Variants in NAALADL2 observed in about 807,000 individuals in gnomAD.
NAALADL2 encodes the protein inactive N-acetylated-alpha-linked acidic dipeptidase-like protein 2.
A neutral mutation model predicts 87.2 loss-of-function variants in NAALADL2; 76 were observed. The ratio of observed to expected loss-of-function variants is 0.87; its 90% CI spans 0.72 to 1.05. The LOEUF is 1.05. Ranked by LOEUF, NAALADL2 falls within the 50% of genes least tolerant of loss-of-function variation. The probability of loss-of-function intolerance (pLI) is 0.00; values close to 1 mark genes in which losing one functional copy is unlikely to be tolerated. For missense variants in NAALADL2, 1,089 were observed against 945.8 expected (o/e 1.15, Z -1.99); for synonymous variants, 354 against 331.0 (o/e 1.07, Z -0.75).
intron 11 of NAALADL2, among the ~76,000 whole-genome samples, chr3:175,704,961 G>A (rs2149980573): frequency 6.6e-6 from 1 of 152,270 alleles, no homozygotes; most frequent in South Asian, 2.1e-4. Flanking sequence ...GAAAGTTGGT[G>A]CTAAAACCAT....
intron 2 of NAALADL2, among the ~76,000 whole-genome samples, chr3:175,129,221 A>AG (rs887868965): frequency 2.0e-4 from 31 of 152,124 alleles, no homozygotes; most frequent in African/African-American, 7.2e-4. Flanking sequence ...CTGAGATCAC[A>AG]GGCATGAGCC....
chr3:175,192,058 A>G (rs1738288285), intron 2 of NAALADL2, among the ~76,000 whole-genome samples: 2 of 152,136 alleles, frequency 1.3e-5, no homozygotes, highest in Admixed American at 1.3e-4. Context: ...TTTGGGAATA[A>G]AACTTATTTG....
chr3:174,809,009 C>A (rs1719840847), intron 3 of NAALADL2, among the ~76,000 whole-genome samples: 1 of 152,032 alleles, frequency 6.6e-6, no homozygotes, highest in Non-Finnish European at 1.5e-5. Context: ...TAAATCTTTT[C>A]TCATGTATAT....
chr3:174,642,508 A>T lies in NAALADL2; in HGVS notation c.-115+91871A>T, dbSNP rs1019582752. ...AGAGCAAGACTCAGTCTCTGGGGAT[A>T]AAAAAAAAAAAAAAAAAAGCATGTT... On this transcript the variant is annotated intron_variant, in intron 2 of 3. Transcript: ENST00000434257. Among the ~76,000 whole-genome samples, 37 of 20,444 alleles carry T rather than the reference A, an allele frequency of 1.8e-3. No individual in the cohort carries two copies. In the South Asian group the frequency reaches 0.081, roughly 45 times the overall value. 13.4% of individuals were successfully genotyped at this position (20,444 alleles called of 152,430 possible).
At chr3:175,168,985 C>T (rs567836013) in intron 2 of NAALADL2, among the ~76,000 whole-genome samples, 2 of 151,732 alleles carry the variant, frequency 1.3e-5, no homozygotes, top group South Asian at 2.1e-4. Flanking sequence ...GATAGCTGTA[C>T]AGATTTTTTT....
chr3:174,697,202 A>T (rs2108870311), intron 2 of NAALADL2, among the ~76,000 whole-genome samples: 1 of 152,310 alleles, frequency 6.6e-6, no homozygotes, highest in East Asian at 1.9e-4. Context: ...TATACTATGG[A>T]ACAATCATTG....
Position 175,627,297 on chromosome 3 carries a change from A to G in NAALADL2, c.1807A>G (p.Ser603Gly), listed in dbSNP as rs151001242. ...CTTTTTTGATTTGCCGCAGGGTCCA[A>G]GTTTTCTCTCCGAGGCCCGTTTTTC... is the stretch of plus-strand genomic sequence containing the variant. ...YEDIKTLEGP[S>G]FLSEARFSTR... Residue 603 changes from serine (S) to glycine (G), a missense_variant, in exon 11 of 14, where the codon AGT becomes GGT. Ser to Gly is a moderately conservative substitution (Grantham distance 56, BLOSUM62 0). Coordinates refer to ENST00000454872, the MANE Select transcript of NAALADL2 (RefSeq NM_207015.3). The G allele has an allele frequency of 8.0e-5, 125 of 1,563,212 alleles. No homozygotes were observed. The highest frequency in any genetic ancestry group is 2.6e-4 in the African/African-American group (19 of 73,962).
chr3:174,650,984 C>A (rs1374660208), intron 2 of NAALADL2, among the ~76,000 whole-genome samples: 1 of 152,198 alleles, frequency 6.6e-6, no homozygotes, highest in Admixed American at 6.5e-5. Context: ...ACTAGGAGAA[C>A]AACTGTCCAG....
chr3:175,475,239 T>C (rs1401753692), intron 9 of NAALADL2, among the ~76,000 whole-genome samples: 1 of 152,080 alleles, frequency 6.6e-6, no homozygotes, highest in Non-Finnish European at 1.5e-5. Flanking sequence ...TTATTTCCAT[T>C]GACTCCTTAA....
chr3:174,709,686 G>T (rs935778113), intron 2 of NAALADL2, among the ~76,000 whole-genome samples: 6 of 152,092 alleles, frequency 3.9e-5, no homozygotes, highest in Admixed American at 3.9e-4. Flanking sequence ...TAAAAATCTT[G>T]ATATATTAGC....
intron 3 of NAALADL2, among the ~76,000 whole-genome samples, chr3:174,835,862 T>C (rs1325505670): frequency 6.6e-6 from 1 of 152,186 alleles, no homozygotes; most frequent in East Asian, 1.9e-4. Flanking sequence ...CAAGTATTGG[T>C]TAAAATGTAG....
intron 1 of NAALADL2, among the ~76,000 whole-genome samples, chr3:174,493,778 A>C (rs184171183): frequency 6.6e-6 from 1 of 152,332 alleles, no homozygotes; most frequent in South Asian, 2.1e-4. Context: ...TATGTTTATT[A>C]TGTATTAAGT....
chr3:175,544,843 A>G (rs1713020648), intron 9 of NAALADL2, among the ~76,000 whole-genome samples: 1 of 152,070 alleles, frequency 6.6e-6, no homozygotes, highest in Non-Finnish European at 1.5e-5. Flanking sequence ...GTTATGGGCT[A>G]TCTAGAATTA....
chr3:175,629,495 A>G (rs897762487), intron 11 of NAALADL2, among the ~76,000 whole-genome samples: 25 of 151,640 alleles, frequency 1.6e-4, no homozygotes, highest in African/African-American at 6.0e-4. Context: ...TTTTAGGGCA[A>G]TGAAATAGTA....
chr3:175,479,892 G>A (rs796952487), intron 9 of NAALADL2, among the ~76,000 whole-genome samples: 1 of 151,702 alleles, frequency 6.6e-6, no homozygotes, highest in East Asian at 1.9e-4. Flanking sequence ...GCCATGGATA[G>A]TAATTTTATG....
chr3:175,592,946 T>G (rs1013114829), intron 10 of NAALADL2, among the ~76,000 whole-genome samples: 1 of 152,134 alleles, frequency 6.6e-6, no homozygotes, highest in Admixed American at 6.6e-5. Flanking sequence ...CCTCTCCTCT[T>G]AATTTCCTTC....
At chr3:175,578,120 C>A (rs948387975) in intron 10 of NAALADL2, among the ~76,000 whole-genome samples, 6 of 151,710 alleles carry the variant, frequency 4.0e-5, no homozygotes, top group African/African-American at 1.2e-4. Flanking sequence ...TTAAAAAATC[C>A]GTATCTTATT....
intron 1 of NAALADL2, among the ~76,000 whole-genome samples, chr3:174,921,279 A>G (rs1017272643): frequency 1.3e-5 from 2 of 152,202 alleles, no homozygotes; most frequent in African/African-American, 4.8e-5. Context: ...TCTAGACAAT[A>G]TTTTGCTGAA....
At chr3:174,717,083 T>G (rs530861908) in intron 2 of NAALADL2, among the ~76,000 whole-genome samples, 1 of 152,334 alleles carries the variant, frequency 6.6e-6, no homozygotes, top group East Asian at 1.9e-4. Context: ...TGACTTTTCT[T>G]CCTCAATGTT....
Sources: gnomAD v4.1 joint callset for allele counts (sites outside exome capture counted in the v4.1 genomes callset) on GRCh38, gnomAD v4.1.1 for gene constraint, MANE v1.5 for transcripts, NCBI Gene and HGNC (gene_info 2026-07-23, HGNC 2026-07-21) for gene names.